The following POT1 variants were observed in gnomAD, a reference collection of about 807,000 sequenced individuals.
POT1 encodes protection of telomeres 1.
A neutral mutation model predicts 78.5 loss-of-function variants in POT1; 47 were observed. That is an observed-to-expected ratio of 0.60 (90% CI 0.47 to 0.76). The LOEUF is 0.76. Ranked by LOEUF, POT1 falls within the 30% of genes least tolerant of loss-of-function variation. The pLI, the probability that POT1 is intolerant of heterozygous loss-of-function variation, is 0.00. For synonymous variants in POT1, 259 were observed against 260.7 expected (o/e 0.99, Z 0.06); for missense variants, 646 against 749.9 (o/e 0.86, Z 1.62).
chr7:124,847,757 T>C (rs1250125276), intron 11 of POT1, among the ~76,000 whole-genome samples: 10 of 152,312 alleles, frequency 6.6e-5, no homozygotes, highest in South Asian at 2.1e-4. Flanking sequence ...CACATTTACA[T>C]TGTATTTTGA....
At position 124,864,208 on chromosome 7, in the gene POT1, T is replaced by C. The variant is rs145179337; in HGVS notation, c.256-568A>G. ...AAGTGACCCCTTTGTCCTTATGAAATGCTCCTTCCAAAACTCTCTCGTAGT... is the reference window on the plus strand; with the variant it reads ...AAGTGACCCCTTTGTCCTTATGAAACGCTCCTTCCAAAACTCTCTCGTAGT... On this transcript the variant is annotated intron_variant, in intron 7 of 18. Coordinates refer to ENST00000357628, the MANE Select transcript of POT1 (RefSeq NM_015450.3). Among the ~76,000 whole-genome samples the C allele has an allele frequency of 2.0e-3, 307 of 152,308 alleles. 3 individuals are homozygous for C. Among genetic ancestry groups the C allele is most frequent in the East Asian group, 0.015 (80 of 5,184 alleles).
chr7:124,899,388 C>A (rs1796567007), intron 3 of POT1, among the ~76,000 whole-genome samples: 1 of 152,116 alleles, frequency 6.6e-6, no homozygotes. Flanking sequence ...CATGAGATTG[C>A]AAACATAACT....
intron 7 of POT1, among the ~76,000 whole-genome samples, chr7:124,870,336 C>T (rs1186800483): frequency 6.6e-6 from 1 of 151,858 alleles, no homozygotes; most frequent in Non-Finnish European, 1.5e-5. Flanking sequence ...TTTAATTGTG[C>T]TATTTAATAA....
rs111909866 is a variant in POT1, at chr7:124,833,016, T to C, written c.1505+2263A>G. On this transcript the variant is annotated intron_variant, in intron 15 of 18. Coordinates refer to ENST00000357628, the MANE Select transcript of POT1 (RefSeq NM_015450.3). ...AAAAGCAAGTGAGCGAGGATGAGCA[T>C]GCAAAAAGAGAAAGCTCAGTGACTT... is the stretch of plus-strand genomic sequence containing the variant. Among the ~76,000 whole-genome samples the C allele has an allele frequency of 3.7e-3, 565 of 152,134 alleles. 4 individuals carry two copies. Among genetic ancestry groups the C allele is most frequent in the African/African-American group, 0.013 (521 of 41,498 alleles).
At chr7:124,857,731 G>T (rs969920302) in intron 9 of POT1, among the ~76,000 whole-genome samples, 3 of 152,090 alleles carry the variant, frequency 2.0e-5, no homozygotes, top group African/African-American at 7.2e-5. Context: ...CATCAGTAAT[G>T]AAATCCCCTG....
intron 14 of POT1, among the ~76,000 whole-genome samples, chr7:124,838,756 C>A (rs1414698104): frequency 2.6e-5 from 4 of 152,078 alleles, no homozygotes; most frequent in Non-Finnish European, 5.9e-5. Flanking sequence ...CAGGTATGCA[C>A]CATGATGCCT....
chr7:124,833,092 G>C (rs1036298382), intron 15 of POT1, among the ~76,000 whole-genome samples: 2 of 151,884 alleles, frequency 1.3e-5, no homozygotes, highest in African/African-American at 4.8e-5. Context: ...TAATTAATTG[G>C]CTTAATTAAA....
At chr7:124,877,840 CAAAAAAAAAAAAAAAA>C (rs201285982) in intron 6 of POT1, among the ~76,000 whole-genome samples, 43,323 of 81,208 alleles carry the variant, frequency 0.53, 7,894 homozygotes, top group South Asian at 0.63. Flanking sequence ...GATTCTGTCT[CAAAAAAAAAAAAAAAA>C]AAAAAAAAAA....
intron 5 of POT1, among the ~76,000 whole-genome samples, chr7:124,896,124 G>A (rs1469354867): frequency 6.8e-6 from 1 of 146,812 alleles, no homozygotes; most frequent in African/African-American, 2.4e-5. Context: ...CAGTAACTCC[G>A]TTTTCTTGAT....
chr7:124,876,130 A>G (rs1458528570), intron 6 of POT1, among the ~76,000 whole-genome samples: 1 of 152,238 alleles, frequency 6.6e-6, no homozygotes, highest in Admixed American at 6.5e-5. Context: ...AAGTATTTTG[A>G]TGATGCAAGT....
intron 3 of POT1, among the ~76,000 whole-genome samples, chr7:124,907,288 C>T (rs1028478379): frequency 6.6e-6 from 1 of 152,062 alleles, no homozygotes; most frequent in Admixed American, 6.6e-5. Flanking sequence ...AGAGTGAGCT[C>T]CCTTGTCATT....
intron 12 of POT1, among the ~76,000 whole-genome samples, chr7:124,845,969 C>A (rs914964626): frequency 1.3e-5 from 2 of 152,144 alleles, no homozygotes; most frequent in Admixed American, 1.3e-4. Flanking sequence ...TTACTCCATA[C>A]TAATCTTGTA....
intron 13 of POT1, among the ~76,000 whole-genome samples, chr7:124,842,093 C>T (rs1282923026): frequency 1.3e-5 from 2 of 151,962 alleles, no homozygotes; most frequent in Non-Finnish European, 2.9e-5. Context: ...GATATTTACA[C>T]ATTGTAGCAC....
Position 124,892,356 on chromosome 7 carries a change from T to A in POT1, c.34A>T (p.Thr12Ser). 1 of 1,488,270 alleles carries A rather than the reference T, an allele frequency of 6.7e-7. No homozygotes were observed. The highest frequency in any genetic ancestry group is 2.7e-5 in the East Asian group (1 of 37,580). The allele number at this position is 1,488,270 out of a possible 1,614,324, so 92.2% of individuals were successfully genotyped here. Residue 12 changes from threonine to serine, a missense_variant, in exon 6 of 19, where the codon ACA (threonine) becomes TCA (serine). Transcript: ENST00000357628. ...CCACCCTTAAGTTGATTCAGGGGTGTATATATATAATTTGTTGCTGGAACC... is the reference window on the plus strand; with the variant it reads ...CCACCCTTAAGTTGATTCAGGGGTGAATATATATAATTTGTTGCTGGAACC... ...SLVPATNYIY[T>S]PLNQLKGGTI...
chr7:124,867,276 C>T (rs1795751465), intron 7 of POT1, among the ~76,000 whole-genome samples: 1 of 126,894 alleles, frequency 7.9e-6, no homozygotes, highest in Admixed American at 8.7e-5. Flanking sequence ...GCTTGTTCTT[C>T]AACAACCCAT....
At position 124,863,272 on chromosome 7, in the gene POT1, C is replaced by T. The variant is rs545995013; in HGVS notation, c.546+78G>A. ...TAATACACAGCATGCTTTATCTCATCAGAATGCTGAAACATAAGCTCTTTA... is the reference window on the plus strand; with the variant it reads ...TAATACACAGCATGCTTTATCTCATTAGAATGCTGAAACATAAGCTCTTTA... On this transcript the variant is annotated intron_variant, in intron 8 of 18. Coordinates refer to ENST00000357628, the MANE Select transcript of POT1 (RefSeq NM_015450.3). 24 of 1,376,754 alleles carry T rather than the reference C, an allele frequency of 1.7e-5. No individual in the cohort carries two copies. In the South Asian group the frequency reaches 3.2e-4, roughly 18 times the overall value. The allele number at this position is 1,376,754 out of a possible 1,614,324, so 85.3% of individuals were successfully genotyped here. A position where few individuals can be genotyped will look rare whatever the true frequency, so the allele number is the denominator to read the frequency against.
rs937400983 is a variant in POT1 at position 124,915,161 on chromosome 7, T to C, written c.-154+413A>G. Among the ~76,000 whole-genome samples, 8 of 152,198 alleles carry C rather than the reference T, an allele frequency of 5.3e-5. No homozygotes were observed. The South Asian group carries it at 1.7e-3, about 31-fold the overall frequency. On this transcript the variant is annotated intron_variant, in intron 3 of 18. Coordinates refer to ENST00000357628, the MANE Select transcript of POT1 (RefSeq NM_015450.3). Reference sequence around the variant, plus strand: ...CTTAGTAGTCAGTAGTTGTAGAATTTTGTAGTTTGTTTCCCATTTGCTGCT... The same window carrying C: ...CTTAGTAGTCAGTAGTTGTAGAATTCTGTAGTTTGTTTCCCATTTGCTGCT...
At chr7:124,840,069 T>A (rs1457923354) in intron 14 of POT1, among the ~76,000 whole-genome samples, 7 of 151,786 alleles carry the variant, frequency 4.6e-5, no homozygotes, top group Middle Eastern at 3.2e-3. Flanking sequence ...ATTTTCCGTA[T>A]CCCCTTCTAC....
At chr7:124,890,974 A>G (rs1178600232) in intron 6 of POT1, among the ~76,000 whole-genome samples, 5 of 151,814 alleles carry the variant, frequency 3.3e-5, no homozygotes, top group Non-Finnish European at 7.4e-5. Context: ...AGAAAAATGT[A>G]TACTCTGTTG....
Sources: allele counts gnomAD v4.1 joint callset (sites outside exome capture counted in the v4.1 genomes callset), GRCh38; gene constraint gnomAD v4.1.1; transcripts MANE v1.5; gene names NCBI Gene and HGNC (gene_info 2026-07-23, HGNC 2026-07-21).